Variants in CNTN5 observed in about 807,000 individuals in gnomAD.
CNTN5 encodes contactin-5.
CNTN5 carries 77 observed loss-of-function variants against 129.1 expected under a neutral mutation model. The observed-to-expected ratio is 0.60, with a 90% confidence interval of 0.50 to 0.72. The LOEUF (loss-of-function observed/expected upper bound fraction) is 0.72. Ranked by LOEUF, CNTN5 falls within the 30% of genes least tolerant of loss-of-function variation. The pLI is 0.00. For synonymous variants in CNTN5, 509 were observed against 465.6 expected (o/e 1.09, Z -1.20); for missense variants, 1,478 against 1,328.8 (o/e 1.11, Z -1.75).
intron 2 of CNTN5, among the ~76,000 whole-genome samples, chr11:99,431,815 G>A (rs1200514282): frequency 6.6e-6 from 1 of 152,182 alleles, no homozygotes; most frequent in Admixed American, 6.5e-5. Flanking sequence ...TAATTTTGAG[G>A]ACTTGAGTAT....
At chr11:99,510,062 G>C (rs7943353) in intron 2 of CNTN5, among the ~76,000 whole-genome samples, 19 of 151,478 alleles carry the variant, frequency 1.3e-4, no homozygotes, top group African/African-American at 4.4e-4. Context: ...CTTAAATTGC[G>C]TAATACTGGC....
Position 99,679,789 on chromosome 11 carries a change from C to T in CNTN5, c.55+123520C>T, listed in dbSNP as rs187088642. Among the ~76,000 whole-genome samples the T allele has an allele frequency of 2.8e-3, 434 of 152,326 alleles. 3 individuals carry two copies. The highest frequency in any genetic ancestry group is 9.9e-3 in the African/African-American group (412 of 41,588). On this transcript the variant is annotated intron_variant, in intron 3 of 24. Coordinates refer to ENST00000524871, the MANE Select transcript of CNTN5 (RefSeq NM_014361.4). ...ACACTTAGGCGGGCATGGCGAAAGC[C>T]AAGATAACCTGAAAGCTAGGCCTCT...
intron 1 of CNTN5, among the ~76,000 whole-genome samples, chr11:99,235,886 C>G (rs543950306): frequency 6.6e-6 from 1 of 152,226 alleles, no homozygotes; most frequent in African/African-American, 2.4e-5. Context: ...GGGTTTTATC[C>G]TTTCATGAGG....
intron 1 of CNTN5, among the ~76,000 whole-genome samples, chr11:99,239,462 C>G (rs1861432287): frequency 6.6e-6 from 1 of 152,146 alleles, no homozygotes; most frequent in African/African-American, 2.4e-5. Context: ...TAGGCGACCT[C>G]TGTTTTTCCA....
chr11:100,009,052 A>G (rs1940357183), intron 9 of CNTN5, among the ~76,000 whole-genome samples: 1 of 152,104 alleles, frequency 6.6e-6, no homozygotes, highest in African/African-American at 2.4e-5. Context: ...AAAAAAGAAA[A>G]CAAATAATTG....
intron 2 of CNTN5, among the ~76,000 whole-genome samples, chr11:99,438,016 TTAGTATAAGA>T: frequency 6.6e-6 from 1 of 152,188 alleles, no homozygotes; most frequent in Non-Finnish European, 1.5e-5. Flanking sequence ...TGTCAGTTAG[TTAGTATAAGA>T]ATGTTTATAT....
At chr11:99,147,680 A>G (rs901782573) in intron 1 of CNTN5, among the ~76,000 whole-genome samples, 2 of 152,156 alleles carry the variant, frequency 1.3e-5, no homozygotes, top group African/African-American at 2.4e-5. Flanking sequence ...GCTGATTGTG[A>G]TTATTTATTA....
intron 1 of CNTN5, among the ~76,000 whole-genome samples, chr11:99,226,757 G>A (rs542061155): frequency 2.0e-5 from 3 of 152,134 alleles, no homozygotes; most frequent in Admixed American, 6.5e-5. Flanking sequence ...CTCACTTTCT[G>A]TTTCTTATAT....
intron 3 of CNTN5, among the ~76,000 whole-genome samples, chr11:99,624,949 T>C (rs2135779050): frequency 6.6e-6 from 1 of 152,306 alleles, no homozygotes; most frequent in Admixed American, 6.5e-5. Flanking sequence ...CCATGGTGTT[T>C]GTTTCACTTG....
intron 1 of CNTN5, among the ~76,000 whole-genome samples, chr11:99,085,894 G>A (rs1865986524): frequency 6.6e-6 from 1 of 151,894 alleles, no homozygotes; most frequent in Non-Finnish European, 1.5e-5. Context: ...CCTTTTCTAC[G>A]TTTATGCATA....
At chr11:99,484,753 G>A (rs1200436623) in intron 2 of CNTN5, among the ~76,000 whole-genome samples, 1 of 151,788 alleles carries the variant, frequency 6.6e-6, no homozygotes, top group African/African-American at 2.4e-5. Flanking sequence ...GAATGGAACT[G>A]AAGACATTAT....
chr11:100,255,943 G>A (rs560508299), intron 17 of CNTN5, 25 bp downstream of exon 17: 73 of 1,608,206 alleles, frequency 4.5e-5, no homozygotes, highest in Non-Finnish European at 6.0e-5. Flanking sequence ...AGCAACATCA[G>A]ATATAACCAG....
chr11:99,032,064 A>G (rs1166217079), intron 1 of CNTN5, among the ~76,000 whole-genome samples: 3 of 151,566 alleles, frequency 2.0e-5, no homozygotes, highest in Middle Eastern at 3.2e-3. Flanking sequence ...ATGACTTCCA[A>G]TTTCATCCAC....
At position 99,347,041 on chromosome 11, in the gene CNTN5, T is replaced by C. The variant is rs553760157; in HGVS notation, c.-71+21557T>C. On this transcript the variant is annotated intron_variant, in intron 2 of 24. Transcript: ENST00000524871. ...ATATGAGACACTATGTTGTTTTGTA[T>C]GCAAAATCTCATTTATTCATTGTAT... 3.3e-5 allele frequency among the ~76,000 whole-genome samples: 5 copies of C among 152,360 alleles called. No individual in the cohort carries two copies. The South Asian group carries it at 1.0e-3, about 32-fold the overall frequency.
intron 3 of CNTN5, among the ~76,000 whole-genome samples, chr11:99,735,782 G>A (rs867571816): frequency 3.3e-5 from 5 of 152,054 alleles, no homozygotes; most frequent in African/African-American, 9.7e-5. Flanking sequence ...GGTTACCATC[G>A]TTTGTGTGTG....
chr11:99,406,684 G>T (rs1942083992), intron 2 of CNTN5, among the ~76,000 whole-genome samples: 1 of 152,130 alleles, frequency 6.6e-6, no homozygotes, highest in African/African-American at 2.4e-5. Context: ...GTGCTATCTG[G>T]GAGCCAGGGA....
At chr11:99,164,322 C>CAAAAAAA (rs35669418) in intron 1 of CNTN5, among the ~76,000 whole-genome samples, 1 of 49,070 alleles carries the variant, frequency 2.0e-5, no homozygotes. Flanking sequence ...CACTCCATCT[C>CAAAAAAA]AAAAAAAAAA....
chr11:99,509,820 C>G (rs1455790532), intron 2 of CNTN5, among the ~76,000 whole-genome samples: 2 of 151,764 alleles, frequency 1.3e-5, no homozygotes, highest in Non-Finnish European at 2.9e-5. Flanking sequence ...TTAATTTTCT[C>G]AACTTAGAAA....
At chr11:100,141,982 G>A (rs1437878981) in intron 13 of CNTN5, among the ~76,000 whole-genome samples, 1 of 151,930 alleles carries the variant, frequency 6.6e-6, no homozygotes, top group Non-Finnish European at 1.5e-5. Context: ...TGGGGTCCTG[G>A]ATAGAACAAA....
Sources: gnomAD v4.1 joint callset for allele counts (sites outside exome capture counted in the v4.1 genomes callset) on GRCh38, gnomAD v4.1.1 for gene constraint, MANE v1.5 for transcripts, NCBI Gene and HGNC (gene_info 2026-07-23, HGNC 2026-07-21) for gene names.